The following L3MBTL1 variants were observed in gnomAD, a reference collection of about 807,000 sequenced individuals.
The protein encoded by L3MBTL1 is L3MBTL histone methyl-lysine binding protein 1.
Under a neutral mutation model 105.3 loss-of-function variants are expected in L3MBTL1, and 75 were observed. The ratio of observed to expected loss-of-function variants is 0.71; its 90% confidence interval spans 0.59 to 0.86. The LOEUF is 0.86. Among genes scored for constraint, L3MBTL1 ranks in the 40% least tolerant of loss-of-function variants. The probability of loss-of-function intolerance (pLI) is 0.00; values close to 1 mark genes in which losing one functional copy is unlikely to be tolerated. For missense variants in L3MBTL1, 1,069 were observed against 1,126.4 expected, an observed-to-expected ratio of 0.95 and a Z score of 0.73; for synonymous variants, 452 against 436.2, an observed-to-expected ratio of 1.04 and a Z score of -0.45.
At chr20:43,544,066 G>A (rs1438667259), downstream of L3MBTL1, among the ~76,000 whole-genome samples, 1 of 152,178 alleles carries the variant, frequency 6.6e-6, no homozygotes, top group Non-Finnish European at 1.5e-5. Flanking sequence ...ATGTGCAGGT[G>A]TCCTGGGAGC....
chr20:43,517,766 AT>A (rs1341344262), intron 7 of L3MBTL1, among the ~76,000 whole-genome samples: 5 of 152,154 alleles, frequency 3.3e-5, no homozygotes, highest in African/African-American at 1.2e-4. Context: ...AGATGAGGTC[AT>A]TTCTTAGGAC....
rs1215786104 is a variant in L3MBTL1, at chr20:43,535,936, G to A, written c.1925G>A (p.Arg642Gln). 4 of 1,610,982 alleles carry A rather than the reference G, an allele frequency of 2.5e-6. No homozygotes were observed. The highest frequency in any genetic ancestry group is 1.1e-5 in the South Asian group (1 of 90,804). The change falls in exon 17 of 22, where the codon CGG (arginine) becomes CAG (glutamine). Residue 642 changes from arginine (R) to glutamine (Q), a missense_variant and splice_region_variant. Coordinates refer to ENST00000418998, the MANE Select transcript of L3MBTL1 (RefSeq NM_001377303.1). Reference protein sequence around the residue: ...TRTSKYSFHHRKCPTPGCDGS... With the variant: ...TRTSKYSFHHQKCPTPGCDGS... Reference sequence around the variant, plus strand: ...ACCTCCAAATACAGCTTTCACCACCGGTGAGTGAAGGTTCCTGGTGAGAGA... The same window carrying A: ...ACCTCCAAATACAGCTTTCACCACCAGTGAGTGAAGGTTCCTGGTGAGAGA...
intron 3 of L3MBTL1, chr20:43,514,289 C>T: frequency 1.2e-6 from 1 of 816,246 alleles, no homozygotes; most frequent in Admixed American, 2.9e-5. Flanking sequence ...TGGGACTGGG[C>T]CTGTGGGTGT....
At chr20:43,514,824 G>C (rs1490752318) in intron 4 of L3MBTL1, 48 bp downstream of exon 4, 3 of 1,497,908 alleles carry the variant, frequency 2.0e-6, no homozygotes, top group Non-Finnish European at 2.7e-6. Context: ...GTGCGGGTGG[G>C]GCGAGGCCTG....
intron 19 of L3MBTL1, among the ~76,000 whole-genome samples, chr20:43,537,705 G>A (rs1045150243): frequency 2.0e-5 from 3 of 152,258 alleles, no homozygotes; most frequent in South Asian, 2.1e-4. Flanking sequence ...CAGCAGGGAC[G>A]CCTCAGTTGA....
Position 43,515,059 on chromosome 20 carries a change from G to A in L3MBTL1, c.553G>A (p.Asp185Asn), listed in dbSNP as rs772930755. ...PEDPNQDPPE[D>N]DSTCQCQACG... is the part of the protein sequence containing the mutation. Reference sequence around the variant, plus strand: ...AGATCCCAATCAGGACCCCCCAGAGGATGATAGCACCTGTCAGTGCCAGGC... The same window carrying A: ...AGATCCCAATCAGGACCCCCCAGAGAATGATAGCACCTGTCAGTGCCAGGC... Residue 185 changes from aspartate to asparagine, a missense_variant, in exon 5 of 22, where the codon GAT becomes AAT. Physicochemically the swap from Asp to Asn is conservative, Grantham distance 23. Coordinates refer to ENST00000418998, the MANE Select transcript of L3MBTL1 (RefSeq NM_001377303.1). 1.9e-5 allele frequency: 30 copies of A among 1,614,034 alleles called. No individual in the cohort carries two copies. Among genetic ancestry groups the A allele is most frequent in the Non-Finnish European group, 2.1e-5 (25 of 1,179,988 alleles).
chr20:43,509,598 C>T (rs2018079078), intron 1 of L3MBTL1, among the ~76,000 whole-genome samples: 1 of 152,218 alleles, frequency 6.6e-6, no homozygotes, highest in Non-Finnish European at 1.5e-5. Flanking sequence ...CCAACCTCAT[C>T]CATTATCTCC....
chr20:43,532,358 T>C (rs2019382533), intron 11 of L3MBTL1: 1 of 175,574 alleles, frequency 5.7e-6, no homozygotes, highest in Non-Finnish European at 1.2e-5. Context: ...GTACTCAGTT[T>C]ATACTGGTTC....
intron 15 of L3MBTL1, 71 bp from the exon 16 acceptor site, chr20:43,534,757 G>A (rs2145470331): frequency 2.8e-6 from 3 of 1,078,936 alleles, no homozygotes; most frequent in East Asian, 2.5e-5. Flanking sequence ...TCCCAGGGAT[G>A]GGGAGAGGAC....
rs1314096278 is a variant in L3MBTL1 at position 43,532,865 on chromosome 20, T to C, written c.1377T>C (p.Asp459=). Residue 459 remains aspartate, a synonymous_variant, in exon 12 of 22, where the codon GAT becomes GAC. Transcript: ENST00000418998. The part of the protein sequence containing the change: ...PSLVCVASVT[D]VVDSRFLVHF... ...TTGTCTGCGTGGCCAGTGTGACCGA[T>C]GTGGTGGACAGCCGCTTCCTGGTGC... 2 of 1,614,114 alleles carry C rather than the reference T, an allele frequency of 1.2e-6. No individual in the cohort carries two copies. The highest frequency in any genetic ancestry group is 1.7e-6 in the Non-Finnish European group (2 of 1,180,018).
intron 8 of L3MBTL1, 100 bp from the exon 9 acceptor site, chr20:43,529,164 C>T: frequency 1.3e-6 from 1 of 787,758 alleles, no homozygotes; most frequent in Non-Finnish European, 2.1e-6. Flanking sequence ...TTGGAAATAC[C>T]AGGCGGGTGG....
At position 43,515,131 on chromosome 20, in the gene L3MBTL1, G is replaced by C. The variant is rs777594692; in HGVS notation, c.625G>C (p.Asp209His). 1 of 1,614,176 alleles carries C rather than the reference G, an allele frequency of 6.2e-7. No homozygotes were observed. Among genetic ancestry groups the C allele is most frequent in the Non-Finnish European group, 8.5e-7 (1 of 1,180,008 alleles). Reference protein sequence around the residue: ...AAGPDLGSSNDGCPQLFQERS... With the variant: ...AAGPDLGSSNHGCPQLFQERS... ...GGGTCCAGATCTTGGTTCCTCTAAT[G>C]ATGGCTGCCCTCAGCTGTTCCAGGA... Residue 209 changes from aspartate (D) to histidine (H), a missense_variant, in exon 5 of 22, where the codon GAT (aspartate) becomes CAT (histidine). Transcript: ENST00000418998.
At chr20:43,514,143 A>T (rs1195577944) in intron 3 of L3MBTL1, 82 bp downstream of exon 3, 2 of 1,233,138 alleles carry the variant, frequency 1.6e-6, no homozygotes, top group Non-Finnish European at 2.3e-6. Context: ...TGGACCTGAG[A>T]CGGAAGTGGG....
rs746617031 is a variant in L3MBTL1 at position 43,532,841 on chromosome 20, T to C, written c.1353T>C (p.Leu451=). 12 of 1,614,126 alleles carry C rather than the reference T, an allele frequency of 7.4e-6. No homozygotes were observed. In the South Asian group the frequency reaches 1.1e-4, roughly 15 times the overall value. Reference sequence around the variant, plus strand: ...CTGTTGACCGCATGAACCCGTCCCTTGTCTGCGTGGCCAGTGTGACCGATG... The same window carrying C: ...CTGTTGACCGCATGAACCCGTCCCTCGTCTGCGTGGCCAGTGTGACCGATG... ...LEAVDRMNPS[L]VCVASVTDVV... is the part of the protein sequence containing the mutation. The change falls in exon 12 of 22, where the codon CTT becomes CTC. Residue 451 remains leucine, a synonymous_variant. Transcript: ENST00000418998.
rs2019276219 is a variant in L3MBTL1, at chr20:43,530,494, G to A, written c.1192+75G>A. The A allele has an allele frequency of 2.0e-6, 3 of 1,503,180 alleles. No individual in the cohort carries two copies. In the African/African-American group the frequency reaches 4.2e-5, roughly 21 times the overall value. 93.1% of individuals were successfully genotyped at this position (1,503,180 alleles called of 1,614,324 possible). A position where few individuals can be genotyped will look rare whatever the true frequency, so the allele number is the denominator to read the frequency against. On this transcript the variant is annotated intron_variant, in intron 10 of 21. Coordinates refer to ENST00000418998, the MANE Select transcript of L3MBTL1 (RefSeq NM_001377303.1). ...TTCGCTTCTTCCCCTTGGGTCCCCG[G>A]CTTCCAGCTCTTTTGTTTTCTGACC...
At chr20:43,513,440 C>T in intron 1 of L3MBTL1, 36 bp from the exon 2 acceptor site, 1 of 1,526,934 alleles carries the variant, frequency 6.5e-7, no homozygotes, top group Non-Finnish European at 8.8e-7. Flanking sequence ...CAAAGGTCCC[C>T]ACCTGATCAC....
Position 43,527,766 on chromosome 20 carries a change from C to G in L3MBTL1, c.863-891C>G, listed in dbSNP as rs543963882. ...ACAGGGGCTCCCTCTGTCACCCAGACTGGAGTGCAGTGGCATGTTCTCGGC... is the reference window on the plus strand; with the variant it reads ...ACAGGGGCTCCCTCTGTCACCCAGAGTGGAGTGCAGTGGCATGTTCTCGGC... On this transcript the variant is annotated intron_variant, in intron 7 of 21. Transcript: ENST00000418998. Among the ~76,000 whole-genome samples the G allele has an allele frequency of 4.6e-5, 7 of 151,804 alleles. No individual in the cohort carries two copies. The East Asian group carries it at 5.8e-4, about 13-fold the overall frequency.
intron 5 of L3MBTL1, 39 bp downstream of exon 5, chr20:43,515,198 C>T (rs1324126732): frequency 6.2e-7 from 1 of 1,614,096 alleles, no homozygotes; most frequent in East Asian, 2.2e-5. Context: ...GCTCTACCTT[C>T]AGCCCCCAAA....
At chr20:43,514,610 A>G (rs369603908) in intron 3 of L3MBTL1, 25 bp from the exon 4 acceptor site, 60 of 1,599,234 alleles carry the variant, frequency 3.8e-5, no homozygotes, top group South Asian at 2.9e-4. Flanking sequence ...GGGAGTCGCA[A>G]TCCTCAGACC....
Sources: allele counts gnomAD v4.1 joint callset (sites outside exome capture counted in the v4.1 genomes callset), GRCh38; gene constraint gnomAD v4.1.1; transcripts MANE v1.5; gene names NCBI Gene and HGNC (gene_info 2026-07-23, HGNC 2026-07-21).